The following LRRK1 variants were observed in gnomAD, a reference collection of about 807,000 sequenced individuals.
The protein encoded by LRRK1 is leucine rich repeat kinase 1.
In LRRK1, 113 loss-of-function variants were observed where a neutral mutation model predicts 209.1. The observed-to-expected ratio is 0.54, with a 90% confidence interval of 0.46 to 0.63. LRRK1 has a LOEUF of 0.63. Ranked by LOEUF, LRRK1 falls within the 30% of genes least tolerant of loss-of-function variation. LRRK1 has a pLI of 0.00. For synonymous variants in LRRK1, 1,144 were observed against 1,099.7 expected (o/e 1.04, Z -0.80); for missense variants, 2,284 against 2,632.2 (o/e 0.87, Z 2.89).
intron 6 of LRRK1, among the ~76,000 whole-genome samples, chr15:101,003,085 G>A (rs12902950): frequency 0.13 from 19,948 of 152,126 alleles, 1,443 homozygotes; most frequent in African/African-American, 0.19. Flanking sequence ...GCCACTTTGT[G>A]GACACCTGGG....
In LRRK1 at chr15:101,025,002, T is replaced by A. The variant is rs527511631; in HGVS notation, c.2232+35T>A. ...CCAGACGCCAGCCCTGCCATTTCAG[T>A]GCCCAGAGCTTTGCAGGTCCCACCG... On this transcript the variant is annotated intron_variant, in intron 16 of 33. Transcript: ENST00000388948. 66 of 1,598,832 alleles carry A rather than the reference T, an allele frequency of 4.1e-5. 1 individual carries two copies. The South Asian group carries it at 7.1e-4, about 17-fold the overall frequency.
rs185373027 is a variant in LRRK1 at position 101,029,088 on chromosome 15, C to T, written c.2819C>T (p.Ser940Phe). 2 of 1,614,174 alleles carry T rather than the reference C, an allele frequency of 1.2e-6. No individual in the cohort carries two copies. Among genetic ancestry groups the T allele is most frequent in the Non-Finnish European group, 1.7e-6 (2 of 1,180,038 alleles). Residue 940 changes from serine to phenylalanine, a missense_variant, in exon 20 of 34, where the codon TCT (serine) becomes TTT (phenylalanine). Physicochemically the swap from Ser to Phe is radical, Grantham distance 155 (BLOSUM62 -2). This residue lies in a region of LRRK1 where 780 missense variants were observed against 985.2 expected (regional missense o/e 0.79). Coordinates refer to ENST00000388948, the MANE Select transcript of LRRK1 (RefSeq NM_024652.6). ...CAGAGGATCTTTAATATTAAGGGCT[C>T]TCGGTCAGTGGCCAAGAATGGGGTG... Reference protein sequence around the residue: ...CLQRIFNIKGSRSVAKNGVIR... With the variant: ...CLQRIFNIKGFRSVAKNGVIR...
intron 2 of LRRK1, among the ~76,000 whole-genome samples, chr15:100,951,638 G>A (rs772279657): frequency 6.6e-6 from 1 of 152,092 alleles, no homozygotes; most frequent in Non-Finnish European, 1.5e-5. Flanking sequence ...TTACTAGCAA[G>A]TATGAATTAA....
chr15:101,015,476 G>A (rs2033491242), intron 12 of LRRK1, 74 bp downstream of exon 12: 1 of 1,152,186 alleles, frequency 8.7e-7, no homozygotes, highest in African/African-American at 1.5e-5. Flanking sequence ...CACCAAAGTG[G>A]GGATCGCCCT....
At chr15:101,053,135 C>T (rs748484763) in intron 25 of LRRK1, 47 bp downstream of exon 25, 3 of 1,590,806 alleles carry the variant, frequency 1.9e-6, no homozygotes, top group Admixed American at 1.7e-5. Context: ...CATATGCTGC[C>T]CGGGTCTAAG....
intron 2 of LRRK1, among the ~76,000 whole-genome samples, chr15:100,926,974 G>A (rs1481902636): frequency 6.6e-6 from 1 of 152,114 alleles, no homozygotes; most frequent in Non-Finnish European, 1.5e-5. Flanking sequence ...TGTGAGCCAC[G>A]GCGCCCGGCC....
Position 101,051,913 on chromosome 15 carries a change from G to A in LRRK1, c.3642G>A (p.Pro1214=), listed in dbSNP as rs375373859. The A allele has an allele frequency of 1.2e-4, 196 of 1,613,830 alleles. No individual in the cohort carries two copies. The highest frequency in any genetic ancestry group is 1.5e-4 in the Non-Finnish European group (179 of 1,180,016). ...CCAGACACCCGGACCTCCCCGTGCCGCTGCAGGAGCTGGTCCCTGAACTGT... is the reference window on the plus strand; with the variant it reads ...CCAGACACCCGGACCTCCCCGTGCCACTGCAGGAGCTGGTCCCTGAACTGT... ...SCPRHPDLPV[P]LQELVPELFM... Residue 1214 remains proline (P), a synonymous_variant, in exon 24 of 34, where the codon CCG becomes CCA. Transcript: ENST00000388948.
chr15:100,976,820 G>C (rs1225837420), intron 3 of LRRK1, among the ~76,000 whole-genome samples: 1 of 152,180 alleles, frequency 6.6e-6, no homozygotes, highest in Non-Finnish European at 1.5e-5. Context: ...AGAAATCTCA[G>C]TCTGTCCTGG....
intron 2 of LRRK1, among the ~76,000 whole-genome samples, chr15:100,928,894 G>T (rs371644326): frequency 6.6e-6 from 1 of 152,126 alleles, no homozygotes. Flanking sequence ...CAACACAATT[G>T]TGTCCCAGGA....
At chr15:101,035,464 G>A (rs1259056461) in intron 20 of LRRK1, among the ~76,000 whole-genome samples, 1 of 152,020 alleles carries the variant, frequency 6.6e-6, no homozygotes, top group Admixed American at 6.5e-5. Context: ...CAAGTATAGC[G>A]ATGTCTGCTT....
chr15:100,920,353 C>T (rs1204631802), intron 1 of LRRK1: 1 of 152,200 alleles, frequency 6.6e-6, no homozygotes, highest in Non-Finnish European at 1.5e-5. Context: ...AATGCCCAGA[C>T]ATTAAAGGGA....
Position 100,919,566 on chromosome 15 carries a change from C to A in LRRK1, c.-123+115C>A, listed in dbSNP as rs1166199964. Reference sequence around the variant, plus strand: ...GGGAGCCTCGGCCTCTGCCTGCCCGCGGGCCCCTGCGCTCCGGGCGGCCGC... The same window carrying A: ...GGGAGCCTCGGCCTCTGCCTGCCCGAGGGCCCCTGCGCTCCGGGCGGCCGC... On this transcript the variant is annotated intron_variant, in intron 1 of 33. Coordinates refer to ENST00000388948, the MANE Select transcript of LRRK1 (RefSeq NM_024652.6). The surrounding 1 kb of genome is among the most constrained non-coding windows in gnomAD (Gnocchi z 5.8). 6.8e-6 allele frequency: 1 copy of A among 147,660 alleles called. No individual in the cohort carries two copies. Among genetic ancestry groups the A allele is most frequent in the African/African-American group, 2.4e-5 (1 of 40,920 alleles). 9.1% of individuals were successfully genotyped at this position (147,660 alleles called of 1,614,324 possible).
rs149836557 is a variant in LRRK1 at position 100,946,394 on chromosome 15, C to G, written c.97+21665C>G. ...CATAATGACTGGGGTTGGAGACTAG[C>G]GAGACAATGCACAGAGAAAGCAATG... On this transcript the variant is annotated intron_variant, in intron 2 of 33. Coordinates refer to ENST00000388948, the MANE Select transcript of LRRK1 (RefSeq NM_024652.6). Among the ~76,000 whole-genome samples the G allele has an allele frequency of 4.4e-4, 67 of 152,096 alleles. No individual in the cohort carries two copies. In the East Asian group the frequency reaches 6.6e-3, roughly 15 times the overall value.
chr15:100,941,314 C>CTGTGTCTCTGTGTGTGTG (rs2042406886), intron 2 of LRRK1, among the ~76,000 whole-genome samples: 1 of 7,394 alleles, frequency 1.4e-4, no homozygotes, highest in South Asian at 5.3e-3. Flanking sequence ...GTGTGTGTGT[C>CTGTGTCTCTGTGTGTGTG]TGTGTGTGTG....
At chr15:100,944,525 C>T (rs2141614634) in intron 2 of LRRK1, among the ~76,000 whole-genome samples, 1 of 152,314 alleles carries the variant, frequency 6.6e-6, no homozygotes, top group Non-Finnish European at 1.5e-5. Flanking sequence ...TGTAATCACT[C>T]ACTGGGTTCA....
chr15:100,963,024 T>A (rs2030184531), intron 2 of LRRK1, among the ~76,000 whole-genome samples: 1 of 150,478 alleles, frequency 6.6e-6, no homozygotes, highest in Non-Finnish European at 1.5e-5. Context: ...GGTTTCGCCA[T>A]GTTAGCCAGG....
In LRRK1 at chr15:100,988,639, T is replaced by C. The variant is rs763758358; in HGVS notation, c.439T>C (p.Cys147Arg). 1.4e-5 allele frequency: 22 copies of C among 1,614,116 alleles called. No homozygotes were observed. In the East Asian group the frequency reaches 4.7e-4, roughly 34 times the overall value. The change falls in exon 5 of 34, where the codon TGC becomes CGC. Residue 147 changes from cysteine to arginine, a missense_variant. By Grantham distance (180) the Cys-to-Arg change is radical (BLOSUM62 -3). Coordinates refer to ENST00000388948, the MANE Select transcript of LRRK1 (RefSeq NM_024652.6). ...GTCCTGCCATCTCCTGCCAGGTCCC[T>C]GCAGTCCCCAGCGGCTTCTGAACTG... ...QELLESLPGP[C>R]SPQRLLNWML...
chr15:100,956,586 T>A (rs1596196042), intron 2 of LRRK1, among the ~76,000 whole-genome samples: 1 of 151,088 alleles, frequency 6.6e-6, no homozygotes, highest in East Asian at 2.0e-4. Flanking sequence ...TGCCTCAGCC[T>A]CCTGAGTAGC....
At chr15:101,048,770 AG>A (rs1321604525) in intron 22 of LRRK1, 113 bp downstream of exon 22, 10 of 867,914 alleles carry the variant, frequency 1.2e-5, no homozygotes, top group South Asian at 8.5e-5. Flanking sequence ...TGCTCGTGAG[AG>A]CGGCTCGTCA....
Sources: allele counts gnomAD v4.1 joint callset (sites outside exome capture counted in the v4.1 genomes callset), GRCh38; gene constraint gnomAD v4.1.1; regional missense constraint gnomAD v4.1.1; non-coding constraint Gnocchi (gnomAD v3.1); transcripts MANE v1.5; gene names NCBI Gene and HGNC (gene_info 2026-07-23, HGNC 2026-07-21).